The following ASTN2 variants were observed in gnomAD, a reference collection of about 807,000 sequenced individuals.
ASTN2 encodes the protein astrotactin-2.
ASTN2 carries 54 observed loss-of-function variants against 139.8 expected under a neutral mutation model. The observed-to-expected ratio is 0.39, with a 90% confidence interval of 0.31 to 0.48. ASTN2 has a LOEUF of 0.48. Ranked by LOEUF, ASTN2 falls within the 20% of genes least tolerant of loss-of-function variation. ASTN2 has a pLI of 0.95. For synonymous variants in ASTN2, 756 were observed against 719.5 expected (o/e 1.05, Z -0.81); for missense variants, 1,565 against 1,725.1 (o/e 0.91, Z 1.64).
chr9:116,867,185 AG>A (rs1399994601), intron 10 of ASTN2, among the ~76,000 whole-genome samples: 16 of 152,166 alleles, frequency 1.1e-4, no homozygotes, highest in Non-Finnish European at 1.5e-5. Context: ...GAAAGCAAAG[AG>A]AGAAACAGAG....
chr9:116,613,634 ATC>A (rs1194550570), intron 19 of ASTN2: 1 of 152,402 alleles, frequency 6.6e-6, no homozygotes, highest in Non-Finnish European at 1.5e-5. Flanking sequence ...ACACATGATT[ATC>A]TCAATAGCTG....
chr9:117,232,458 T>C (rs1289143877), intron 2 of ASTN2, among the ~76,000 whole-genome samples: 1 of 152,168 alleles, frequency 6.6e-6, no homozygotes, highest in Non-Finnish European at 1.5e-5. Context: ...AGCCTTCTGC[T>C]CTGCCCTGCC....
chr9:117,071,089 A>C (rs1408293279), intron 5 of ASTN2, among the ~76,000 whole-genome samples: 4 of 147,980 alleles, frequency 2.7e-5, no homozygotes, highest in Non-Finnish European at 4.5e-5. Flanking sequence ...AGGCGCTCTG[A>C]TTTTTAGAGC....
intron 19 of ASTN2, chr9:116,586,322 C>CA (rs2131722561): frequency 6.6e-6 from 1 of 152,218 alleles, no homozygotes; most frequent in Admixed American, 6.5e-5. Flanking sequence ...AATCCTTCTA[C>CA]AAAAAAGACA....
intron 4 of ASTN2, among the ~76,000 whole-genome samples, chr9:117,110,662 G>A (rs1829227441): frequency 6.6e-6 from 1 of 152,168 alleles, no homozygotes; most frequent in Non-Finnish European, 1.5e-5. Flanking sequence ...AATACTACCT[G>A]AGGGCTCCTG....
chr9:117,394,493 A>G (rs1258400868), intron 1 of ASTN2, among the ~76,000 whole-genome samples: 1 of 152,174 alleles, frequency 6.6e-6, no homozygotes, highest in East Asian at 1.9e-4. Flanking sequence ...ATAAGGGAGG[A>G]GGCCTAAGAA....
intron 1 of ASTN2, among the ~76,000 whole-genome samples, chr9:117,355,034 C>T (rs577208669): frequency 6.6e-6 from 1 of 152,118 alleles, no homozygotes; most frequent in South Asian, 2.1e-4. Context: ...TCCATGAGTC[C>T]TTACCCAGTG....
chr9:116,703,538 G>A (rs1164092020), intron 16 of ASTN2, among the ~76,000 whole-genome samples: 1 of 148,596 alleles, frequency 6.7e-6, no homozygotes, highest in Non-Finnish European at 1.5e-5. Context: ...AGATCACATG[G>A]TCACAGGAAG....
At chr9:116,687,342 G>A (rs973107584) in intron 16 of ASTN2, 2 of 903,402 alleles carry the variant, frequency 2.2e-6, no homozygotes, top group Non-Finnish European at 2.6e-6. Flanking sequence ...CAGGCGGGTG[G>A]GCTGCCGGCG....
chr9:116,848,647 G>C (rs547498152), intron 11 of ASTN2, among the ~76,000 whole-genome samples: 1 of 152,298 alleles, frequency 6.6e-6, no homozygotes, highest in African/African-American at 2.4e-5. Flanking sequence ...ATGTAAGGTA[G>C]TGTGACATAG....
chr9:116,535,646 G>A (rs1192554679), intron 19 of ASTN2, among the ~76,000 whole-genome samples: 1 of 152,060 alleles, frequency 6.6e-6, no homozygotes, highest in Non-Finnish European at 1.5e-5. Context: ...GAAATTCTGG[G>A]TGGAAAATTC....
At chr9:116,723,575 A>G (rs993995612) in intron 16 of ASTN2, among the ~76,000 whole-genome samples, 3 of 152,228 alleles carry the variant, frequency 2.0e-5, no homozygotes, top group African/African-American at 7.2e-5. Flanking sequence ...GCAGTGACAC[A>G]TAACTCATGG....
At chr9:117,249,405 T>G (rs982729295) in intron 2 of ASTN2, among the ~76,000 whole-genome samples, 1 of 152,194 alleles carries the variant, frequency 6.6e-6, no homozygotes, top group Admixed American at 6.5e-5. Context: ...AGGCTTTATT[T>G]TCACTCTGAT....
At chr9:116,539,923 T>C (rs1851808363) in intron 19 of ASTN2, among the ~76,000 whole-genome samples, 1 of 152,224 alleles carries the variant, frequency 6.6e-6, no homozygotes, top group South Asian at 2.1e-4. Context: ...AAATGAGCCC[T>C]TTCAATGAGC....
chr9:117,201,253 A>G (rs1388685600), intron 3 of ASTN2, among the ~76,000 whole-genome samples: 1 of 151,234 alleles, frequency 6.6e-6, no homozygotes, highest in East Asian at 1.9e-4. Flanking sequence ...TGTCTATTTG[A>G]TTCTTCTCTC....
intron 16 of ASTN2, chr9:116,686,878 G>C: frequency 6.5e-7 from 1 of 1,533,856 alleles, no homozygotes; most frequent in Non-Finnish European, 8.8e-7. Context: ...CCTTCCTAGG[G>C]AGTCCCGGTT....
At chr9:116,775,760 GAGGAGGAAAGGGGGA>G (rs1432256397) in intron 13 of ASTN2, among the ~76,000 whole-genome samples, 1 of 142,746 alleles carries the variant, frequency 7.0e-6, no homozygotes, top group Non-Finnish European at 1.5e-5. Context: ...AGGAGGGAGG[GAGGAGGAAAGGGGGA>G]AGGAGGGAAG....
chr9:117,414,561 C>G lies in ASTN2; in HGVS notation c.378G>C (p.Glu126Asp). 2.5e-6 allele frequency: 4 copies of G among 1,603,220 alleles called. No individual in the cohort carries two copies. The highest frequency in any genetic ancestry group is 2.6e-6 in the Non-Finnish European group (3 of 1,175,714). The change falls in exon 1 of 23, where the codon GAG (glutamate) becomes GAC (aspartate). Residue 126 changes from glutamate to aspartate, a missense_variant. Around this residue, in one of 4 missense-constraint regions of ASTN2, gnomAD observed 596 missense variants for 576.8 expected, o/e 1.03. Coordinates refer to ENST00000313400, the MANE Select transcript of ASTN2 (RefSeq NM_001365068.1). This position sits in a 1 kb window ranked among gnomAD's most constrained non-coding sequence, Gnocchi z 4.2. The stretch of plus-strand genomic sequence containing the variant: ...CCTGCACCGCGATGCGCCCCGGCAG[C>G]TCGTTACGCACAAAGAGCAGGAGGC... ...ESRLLLFVRN[E>D]LPGRIAVQDD...
At chr9:116,492,377 A>C (rs1849542599) in intron 19 of ASTN2, among the ~76,000 whole-genome samples, 1 of 152,050 alleles carries the variant, frequency 6.6e-6, no homozygotes, top group Non-Finnish European at 1.5e-5. Context: ...CCACTGTGAG[A>C]GCCTTGTTTT....
Sources: gnomAD v4.1 joint callset for allele counts (sites outside exome capture counted in the v4.1 genomes callset) on GRCh38, gnomAD v4.1.1 for gene constraint, gnomAD v4.1.1 regional missense constraint, Gnocchi (gnomAD v3.1) non-coding constraint, MANE v1.5 for transcripts, NCBI Gene and HGNC (gene_info 2026-07-23, HGNC 2026-07-21) for gene names.